KIAA0825: variants seen among roughly 807,000 people sequenced by gnomAD.
The protein encoded by KIAA0825 is uncharacterized protein KIAA0825.
A neutral mutation model predicts 147.6 loss-of-function variants in KIAA0825; 119 were observed. That is an observed-to-expected ratio of 0.81 (90% confidence interval 0.69 to 0.94). KIAA0825 has a LOEUF of 0.94. Ranked by LOEUF, KIAA0825 falls within the 40% of genes least tolerant of loss-of-function variation. KIAA0825 has a pLI of 0.00. For missense variants in KIAA0825, 1,381 were observed against 1,472.7 expected, an observed-to-expected ratio of 0.94 and a Z score of 1.02; for synonymous variants, 470 against 518.1, an observed-to-expected ratio of 0.91 and a Z score of 1.26.
At chr5:94,422,506 T>C (rs575287213) in intron 14 of KIAA0825, among the ~76,000 whole-genome samples, 3 of 152,314 alleles carry the variant, frequency 2.0e-5, no homozygotes, top group Admixed American at 2.0e-4. Context: ...TGATATTAAA[T>C]ACATTAGTAT....
chr5:94,366,920 C>A (rs1223197306), intron 20 of KIAA0825, among the ~76,000 whole-genome samples: 3 of 152,322 alleles, frequency 2.0e-5, no homozygotes, highest in Middle Eastern at 6.8e-3. Flanking sequence ...ACCTCACATT[C>A]TGTGTTTGAC....
intron 20 of KIAA0825, among the ~76,000 whole-genome samples, chr5:94,196,458 CTT>C (rs879523504): frequency 7.0e-6 from 1 of 143,624 alleles, no homozygotes. Flanking sequence ...GACGAAACTT[CTT>C]TTTTTTTTTT....
rs1766537626 is a variant in KIAA0825, at chr5:94,152,003, T to C, written c.*2004A>G. Among the ~76,000 whole-genome samples the C allele has an allele frequency of 6.6e-6, 1 of 152,208 alleles. No individual in the cohort carries two copies. The highest frequency in any genetic ancestry group is 2.1e-4 in the South Asian group (1 of 4,826). On this transcript the variant is annotated 3_prime_UTR_variant, in exon 21 of 21. Transcript: ENST00000682413. ...GATTAGATGGAATGTCCAGTTCTCA[T>C]AAAATTTTCCTACCATTTTCTAAAT...
At chr5:94,607,091 T>C (rs1787625938) in intron 1 of KIAA0825, among the ~76,000 whole-genome samples, 1 of 152,074 alleles carries the variant, frequency 6.6e-6, no homozygotes, top group Non-Finnish European at 1.5e-5. Flanking sequence ...TATATAATCT[T>C]CTTAAAACAA....
At chr5:94,559,772 A>G (rs1255080918) in intron 2 of KIAA0825, among the ~76,000 whole-genome samples, 1 of 152,226 alleles carries the variant, frequency 6.6e-6, no homozygotes, top group Non-Finnish European at 1.5e-5. Flanking sequence ...ATTTCCAAGT[A>G]CTTACCAGAC....
intron 20 of KIAA0825, among the ~76,000 whole-genome samples, chr5:94,257,176 T>A (rs1776289127): frequency 6.6e-6 from 1 of 152,120 alleles, no homozygotes; most frequent in South Asian, 2.1e-4. Flanking sequence ...AAATAAATAC[T>A]CTCTATAAGA....
intron 20 of KIAA0825, among the ~76,000 whole-genome samples, chr5:94,267,430 G>C (rs1437256343): frequency 6.6e-6 from 1 of 151,848 alleles, no homozygotes; most frequent in Non-Finnish European, 1.5e-5. Flanking sequence ...CTTCCATCAG[G>C]CATATAGCCT....
chr5:94,392,889 T>G (rs982872204), intron 17 of KIAA0825, among the ~76,000 whole-genome samples: 6 of 152,184 alleles, frequency 3.9e-5, no homozygotes, highest in Non-Finnish European at 8.8e-5. Flanking sequence ...CTTAGAGATA[T>G]TCATTAGCTA....
intron 20 of KIAA0825, among the ~76,000 whole-genome samples, chr5:94,204,904 A>G (rs1026730760): frequency 6.6e-6 from 1 of 152,126 alleles, no homozygotes; most frequent in Non-Finnish European, 1.5e-5. Flanking sequence ...AAATGGGACA[A>G]TTTCATAGAT....
chr5:94,599,990 A>G (rs1786074811), intron 1 of KIAA0825, among the ~76,000 whole-genome samples: 1 of 152,258 alleles, frequency 6.6e-6, no homozygotes, highest in African/African-American at 2.4e-5. Context: ...AAAGATAAAT[A>G]ACTCAATTTT....
At chr5:94,470,255 T>C (rs1362290113) in intron 9 of KIAA0825, 144 bp from the exon 10 acceptor site, 2 of 528,566 alleles carry the variant, frequency 3.8e-6, no homozygotes, top group African/African-American at 3.9e-5. Context: ...CCACATTCAC[T>C]TTCCAAAAAG....
intron 5 of KIAA0825, among the ~76,000 whole-genome samples, chr5:94,517,241 T>C (rs1193018435): frequency 6.6e-6 from 1 of 152,222 alleles, no homozygotes; most frequent in Non-Finnish European, 1.5e-5. Context: ...CTTCTTTTTT[T>C]GGCTTACTAT....
chr5:94,590,630 T>A (rs948293904), intron 1 of KIAA0825, among the ~76,000 whole-genome samples: 6 of 152,198 alleles, frequency 3.9e-5, no homozygotes, highest in Non-Finnish European at 8.8e-5. Flanking sequence ...AATCAATACA[T>A]AACTGAAATT....
At chr5:94,465,147 A>G (rs1760326658) in intron 10 of KIAA0825, 88 bp from the exon 11 acceptor site, 1 of 1,253,056 alleles carries the variant, frequency 8.0e-7, no homozygotes, top group Non-Finnish European at 1.1e-6. Flanking sequence ...TTCAGGCTGA[A>G]AGGAAATAGC....
intron 2 of KIAA0825, among the ~76,000 whole-genome samples, chr5:94,555,269 A>G (rs1776335215): frequency 6.6e-6 from 1 of 152,118 alleles, no homozygotes; most frequent in East Asian, 1.9e-4. Context: ...ATTTGTTGAT[A>G]GTCATTTAAA....
rs1391697343 is a variant in KIAA0825 at position 94,247,705 on chromosome 5, T to C, written c.3711-93581A>G. On this transcript the variant is annotated intron_variant, in intron 20 of 20. Coordinates refer to ENST00000682413, the MANE Select transcript of KIAA0825 (RefSeq NM_001145678.3). Reference sequence around the variant, plus strand: ...ACTCGAAGAATATTTCCAGTGCTAGTGTAAAGTTCAGAAGAAAATACAGAT... The same window carrying C: ...ACTCGAAGAATATTTCCAGTGCTAGCGTAAAGTTCAGAAGAAAATACAGAT... Among the ~76,000 whole-genome samples the C allele has an allele frequency of 2.0e-5, 3 of 152,268 alleles. No homozygotes were observed. The East Asian group carries it at 5.8e-4, about 29-fold the overall frequency.
At chr5:94,555,823 A>C (rs1776428655) in intron 2 of KIAA0825, among the ~76,000 whole-genome samples, 1 of 152,222 alleles carries the variant, frequency 6.6e-6, no homozygotes, top group Non-Finnish European at 1.5e-5. Context: ...CATATATTTC[A>C]CATGATTTCA....
intron 20 of KIAA0825, among the ~76,000 whole-genome samples, chr5:94,203,405 A>C (rs962544100): frequency 6.6e-6 from 1 of 152,240 alleles, no homozygotes; most frequent in Non-Finnish European, 1.5e-5. Flanking sequence ...TACAAAACTA[A>C]AAGTTGCAAA....
chr5:94,567,727 A>T (rs1359982531), intron 2 of KIAA0825: 1 of 152,400 alleles, frequency 6.6e-6, no homozygotes, highest in Non-Finnish European at 1.5e-5. Context: ...GAGAACCACA[A>T]GAAATACTCC....
Sources: allele counts gnomAD v4.1 joint callset (sites outside exome capture counted in the v4.1 genomes callset), GRCh38; gene constraint gnomAD v4.1.1; transcripts MANE v1.5; gene names NCBI Gene and HGNC (gene_info 2026-07-23, HGNC 2026-07-21).